IL16: variants seen among roughly 807,000 people sequenced by gnomAD.
IL16 encodes the protein interleukin 16.
IL16 carries 67 observed loss-of-function variants against 110.1 expected under a neutral mutation model. The observed-to-expected ratio is 0.61, with a 90% CI of 0.50 to 0.75. The LOEUF is 0.75. IL16 is among the 30% of genes least tolerant of loss of function. The pLI is 0.00. For missense variants in IL16, 1,545 were observed against 1,655.0 expected, an observed-to-expected ratio of 0.93 and a Z score of 1.15; for synonymous variants, 689 against 662.9, an observed-to-expected ratio of 1.04 and a Z score of -0.61.
chr15:81,237,530 A>C (rs941166128), intron 2 of IL16, among the ~76,000 whole-genome samples: 4 of 152,236 alleles, frequency 2.6e-5, no homozygotes, highest in Non-Finnish European at 5.9e-5. Flanking sequence ...AAAAATAAAG[A>C]TGCCCTATAC....
At chr15:81,225,896 C>T (rs986206544) in intron 2 of IL16, among the ~76,000 whole-genome samples, 185 bp downstream of exon 2, 1 of 152,166 alleles carries the variant, frequency 6.6e-6, no homozygotes, top group African/African-American at 2.4e-5. Context: ...GTGAATCAGG[C>T]TCAGTTAACA....
intron 1 of IL16, among the ~76,000 whole-genome samples, chr15:81,185,458 T>C (rs1036966695): frequency 2.0e-5 from 3 of 151,288 alleles, no homozygotes; most frequent in Non-Finnish European, 4.4e-5. Context: ...TGGGTTCAAG[T>C]AGTTCTCCCA....
chr15:81,184,389 A>G (rs1363196911), intron 1 of IL16, among the ~76,000 whole-genome samples: 3 of 152,170 alleles, frequency 2.0e-5, no homozygotes, highest in Admixed American at 6.5e-5. Flanking sequence ...AACCAGACAG[A>G]TGGAGAAGTT....
chr15:81,236,672 A>G (rs1297158980), intron 2 of IL16, among the ~76,000 whole-genome samples: 1 of 152,026 alleles, frequency 6.6e-6, no homozygotes, highest in Non-Finnish European at 1.5e-5. Context: ...AGAGGAGAAT[A>G]AGGCCGGGCG....
chr15:81,297,007 C>T lies in IL16; in HGVS notation c.1982C>T (p.Pro661Leu). Residue 661 changes from proline to leucine, a missense_variant, in exon 13 of 19, where the codon CCA becomes CTA. By Grantham distance (98) the Pro-to-Leu change is moderately conservative. Coordinates refer to ENST00000683961, the MANE Select transcript of IL16 (RefSeq NM_172217.5). The part of the protein sequence containing the change: ...GRSPSASAGC[P>L]GPGIGPQTKS... ...AGCCCTAGTGCCTCTGCCGGCTGCC[C>T]AGGACCTGGTATCGGCCCACAGACC... 6.2e-7 allele frequency: 1 copy of T among 1,613,924 alleles called. No individual in the cohort carries two copies.
intron 1 of IL16, among the ~76,000 whole-genome samples, chr15:81,214,035 G>T (rs935821828): frequency 1.7e-4 from 25 of 147,080 alleles, no homozygotes; most frequent in South Asian, 8.7e-4. Context: ...TTTTTTTTTT[G>T]TTTGTTTGTT....
intron 2 of IL16, among the ~76,000 whole-genome samples, chr15:81,259,453 T>C (rs1238883818): frequency 1.3e-5 from 2 of 152,232 alleles, no homozygotes; most frequent in Admixed American, 1.3e-4. Flanking sequence ...CATCCTTGTC[T>C]GTCTTGGTCA....
intron 5 of IL16, among the ~76,000 whole-genome samples, chr15:81,271,277 T>A (rs191705236): frequency 2.0e-4 from 29 of 142,586 alleles, no homozygotes; most frequent in Non-Finnish European, 3.9e-4. Context: ...ATAAAATAAA[T>A]TAAATAAAAT....
chr15:81,250,465 C>T (rs2142143555), intron 2 of IL16, among the ~76,000 whole-genome samples: 1 of 152,322 alleles, frequency 6.6e-6, no homozygotes, highest in East Asian at 1.9e-4. Context: ...GTGGGAGCCA[C>T]CACACTTGAC....
At chr15:81,262,526 C>CTTATTT (rs1898197670) in intron 3 of IL16, among the ~76,000 whole-genome samples, 1 of 151,726 alleles carries the variant, frequency 6.6e-6, no homozygotes, top group South Asian at 2.1e-4. Context: ...ATTCTAGCAT[C>CTTATTT]ACTTATTTAC....
chr15:81,228,603 G>A (rs1019317114), intron 2 of IL16, among the ~76,000 whole-genome samples: 1 of 152,060 alleles, frequency 6.6e-6, no homozygotes, highest in African/African-American at 2.4e-5. Context: ...GGGGGAGTGA[G>A]CCACCACACC....
chr15:81,240,620 A>T (rs1483021197), intron 2 of IL16, among the ~76,000 whole-genome samples: 3 of 152,162 alleles, frequency 2.0e-5, no homozygotes, highest in Non-Finnish European at 4.4e-5. Flanking sequence ...CGTTGTACGT[A>T]TATAAACCTT....
intron 1 of IL16, among the ~76,000 whole-genome samples, chr15:81,205,701 A>T (rs533065720): frequency 4.6e-5 from 7 of 152,268 alleles, no homozygotes; most frequent in South Asian, 2.1e-4. Flanking sequence ...GATTCAGTTT[A>T]AAAAAGGGAA....
At chr15:81,214,005 G>A (rs960515394) in intron 1 of IL16, among the ~76,000 whole-genome samples, 2 of 144,936 alleles carry the variant, frequency 1.4e-5, no homozygotes, top group Non-Finnish European at 3.0e-5. Context: ...TGTGGGCTAT[G>A]TGCTTAAGTG....
intron 6 of IL16, among the ~76,000 whole-genome samples, chr15:81,277,109 A>G (rs1195861139): frequency 1.3e-5 from 2 of 152,218 alleles, no homozygotes; most frequent in African/African-American, 2.4e-5. Context: ...AAAAAACTCA[A>G]TGGATGGCTT....
At chr15:81,205,826 A>G (rs945599968) in intron 1 of IL16, among the ~76,000 whole-genome samples, 1 of 152,216 alleles carries the variant, frequency 6.6e-6, no homozygotes, top group Non-Finnish European at 1.5e-5. Context: ...ATAGGAAAAT[A>G]CTGTGCAAAT....
At position 81,273,581 on chromosome 15, in the gene IL16, C is replaced by G. The variant is rs114786121; in HGVS notation, c.790+377C>G. ...TCTCAGTTGCTGGGATCCGTTAACA[C>G]CCCCTCTCCTTCATTCTCCCTGTCC... is the stretch of plus-strand genomic sequence containing the variant. On this transcript the variant is annotated intron_variant, in intron 6 of 18. Transcript: ENST00000683961. Among the ~76,000 whole-genome samples the G allele has an allele frequency of 7.6e-3, 1,156 of 152,242 alleles. 15 individuals carry two copies. Among genetic ancestry groups the G allele is most frequent in the African/African-American group, 0.026 (1,087 of 41,536 alleles).
rs1900758003 is a variant in IL16, at chr15:81,309,748, CAAAT to C, written c.*954_*957del. 1 of 152,344 alleles carries C rather than the reference CAAAT, an allele frequency of 6.6e-6. No individual in the cohort carries two copies. Among genetic ancestry groups the C allele is most frequent in the East Asian group, 1.9e-4 (1 of 5,182 alleles). 9.4% of individuals were successfully genotyped at this position (152,344 alleles called of 1,614,324 possible). On this transcript the variant is annotated 3_prime_UTR_variant, in exon 19 of 19. Coordinates refer to ENST00000683961, the MANE Select transcript of IL16 (RefSeq NM_172217.5). ...GGAACCAGCGTGTATATGAGGGTAT[CAAAT>C]AAAATTGCTACTACTTACCTACCAC...
intron 1 of IL16, among the ~76,000 whole-genome samples, chr15:81,200,073 C>G (rs1198749115): frequency 3.3e-5 from 5 of 152,072 alleles, no homozygotes; most frequent in African/African-American, 4.8e-5. Context: ...CGGGTTGGAA[C>G]CAACTTCCTT....
Sources: allele counts gnomAD v4.1 joint callset (sites outside exome capture counted in the v4.1 genomes callset), GRCh38; gene constraint gnomAD v4.1.1; transcripts MANE v1.5; gene names NCBI Gene and HGNC (gene_info 2026-07-23, HGNC 2026-07-21).